Variants in LMLN observed in about 807,000 individuals in gnomAD.
LMLN encodes the protein leishmanolysin like peptidase, also known as leishmanolysin-like peptidase.
A neutral mutation model predicts 92.3 loss-of-function variants in LMLN; 70 were observed. The observed-to-expected ratio is 0.76, with a 90% CI of 0.63 to 0.92. The LOEUF is 0.92. Among genes scored for constraint, LMLN ranks in the 40% least tolerant of loss-of-function variants. The probability of loss-of-function intolerance (pLI) is 0.00; values close to 1 mark genes in which losing one functional copy is unlikely to be tolerated. For synonymous variants in LMLN, 308 were observed against 296.2 expected (o/e 1.04, Z -0.41); for missense variants, 691 against 814.6 (o/e 0.85, Z 1.85).
At chr3:197,987,228 C>T (rs1376557541) in intron 8 of LMLN, among the ~76,000 whole-genome samples, 2 of 148,842 alleles carry the variant, frequency 1.3e-5, no homozygotes, top group Non-Finnish European at 3.0e-5. Context: ...GGTGCAATCT[C>T]GGCTCAGTGC....
At chr3:198,014,654 A>C (rs1264629526) in intron 11 of LMLN, among the ~76,000 whole-genome samples, 4 of 132,486 alleles carry the variant, frequency 3.0e-5, no homozygotes, top group African/African-American at 9.1e-5. Context: ...TCCACCCTTC[A>C]GAGTCCCCTT....
chr3:197,994,928 C>T (rs1721976401), intron 9 of LMLN, among the ~76,000 whole-genome samples: 1 of 152,216 alleles, frequency 6.6e-6, no homozygotes, highest in Non-Finnish European at 1.5e-5. Flanking sequence ...GCGCTATTTA[C>T]AACAGCCACA....
At chr3:197,986,458 GAA>G (rs1199164589) in intron 8 of LMLN, among the ~76,000 whole-genome samples, 1 of 151,398 alleles carries the variant, frequency 6.6e-6, no homozygotes, top group Non-Finnish European at 1.5e-5. Context: ...ACTGTCTCAA[GAA>G]AAAAAAGAGA....
intron 11 of LMLN, among the ~76,000 whole-genome samples, chr3:198,016,985 G>T (rs1044806872): frequency 1.2e-4 from 19 of 152,170 alleles, no homozygotes; most frequent in Admixed American, 9.8e-4. Flanking sequence ...AAATGAGCAT[G>T]GTGGCACATG....
chr3:197,998,518 A>G (rs1389766331), intron 10 of LMLN, among the ~76,000 whole-genome samples: 5 of 152,200 alleles, frequency 3.3e-5, no homozygotes, highest in African/African-American at 1.2e-4. Context: ...AAGCGCTGAC[A>G]GTAGTAATTT....
chr3:197,999,957 T>G (rs1432810778), intron 11 of LMLN, among the ~76,000 whole-genome samples: 3 of 152,248 alleles, frequency 2.0e-5, no homozygotes, highest in African/African-American at 7.2e-5. Context: ...AAGGAAAGAC[T>G]AAACAATGTT....
chr3:198,042,368 G>A lies in LMLN; in HGVS notation c.*3701G>A, dbSNP rs1292207716. ...CGCACCACTGCACTGCAGCCTGGAT[G>A]ACAGAGTGAGACTTTCTTGGGAAAA... is the stretch of plus-strand genomic sequence containing the variant. On this transcript the variant is annotated 3_prime_UTR_variant, in exon 16 of 16. Transcript: ENST00000330198. The surrounding 1 kb of genome is among the most constrained non-coding windows in gnomAD (Gnocchi z 4.2). 6.6e-6 allele frequency: 1 copy of A among 151,590 alleles called. No individual in the cohort carries two copies. The highest frequency in any genetic ancestry group is 1.5e-5 in the Non-Finnish European group (1 of 68,014). 9.4% of individuals were successfully genotyped at this position (151,590 alleles called of 1,614,324 possible).
intron 6 of LMLN, chr3:197,980,806 AAAGT>A: frequency 4.0e-6 from 1 of 252,344 alleles, no homozygotes. Flanking sequence ...TTCCAAAGAA[AAAGT>A]CTGCTGTCAA....
chr3:197,985,754 T>C, intron 7 of LMLN, 42 bp from the exon 8 acceptor site: 1 of 1,343,226 alleles, frequency 7.4e-7, no homozygotes, highest in Non-Finnish European at 1.1e-6. Flanking sequence ...TAATCAGCCT[T>C]GATGTTTTTC....
At chr3:198,029,066 A>G (rs933528471) in intron 14 of LMLN, among the ~76,000 whole-genome samples, 1 of 152,202 alleles carries the variant, frequency 6.6e-6, no homozygotes, top group Non-Finnish European at 1.5e-5. Context: ...ACAACGCTGC[A>G]TTTCGGCTGT....
intron 9 of LMLN, among the ~76,000 whole-genome samples, chr3:197,994,920 G>A (rs564551201): frequency 4.6e-5 from 7 of 152,174 alleles, no homozygotes; most frequent in African/African-American, 7.2e-5. Flanking sequence ...TGACTGCAGC[G>A]CTATTTACAA....
At chr3:198,018,667 A>T (rs527593612) in intron 11 of LMLN, among the ~76,000 whole-genome samples, 8 of 152,264 alleles carry the variant, frequency 5.3e-5, no homozygotes, top group African/African-American at 1.9e-4. Context: ...TTTCCTTAAG[A>T]AATATGTGGA....
intron 7 of LMLN, chr3:197,985,539 C>T: frequency 4.1e-6 from 1 of 244,646 alleles, no homozygotes; most frequent in Non-Finnish European, 7.8e-6. Context: ...AGTATTTCTA[C>T]TGAATATAAA....
chr3:197,995,196 T>C (rs1721984297), intron 9 of LMLN, among the ~76,000 whole-genome samples: 1 of 152,254 alleles, frequency 6.6e-6, no homozygotes, highest in South Asian at 2.1e-4. Flanking sequence ...ATGATATTTT[T>C]ATAACATTTT....
At chr3:198,011,293 G>C (rs1722430817) in intron 11 of LMLN, among the ~76,000 whole-genome samples, 1 of 145,290 alleles carries the variant, frequency 6.9e-6, no homozygotes, top group Non-Finnish European at 1.5e-5. Flanking sequence ...CCCACAACAG[G>C]TCCTGGTGTG....
Position 197,995,530 on chromosome 3 carries a change from AAACTATT to A in LMLN, c.1048-644_1048-638del, listed in dbSNP as rs746270093. ...TTTCACATTTCACATGTGACATCTA[AAACTATT>A]GAACCCCGAAGCAGAGGGTAGTGGT... is the stretch of plus-strand genomic sequence containing the variant. On this transcript the variant is annotated intron_variant, in intron 9 of 15. Transcript: ENST00000330198. Among the ~76,000 whole-genome samples, 8 of 152,316 alleles carry A rather than the reference AAACTATT, an allele frequency of 5.3e-5. No homozygotes were observed. The South Asian group carries it at 1.4e-3, about 28-fold the overall frequency.
intron 1 of LMLN, among the ~76,000 whole-genome samples, chr3:197,963,737 C>A (rs1450525164): frequency 6.6e-6 from 1 of 152,162 alleles, no homozygotes; most frequent in Non-Finnish European, 1.5e-5. Flanking sequence ...TAAATAGGAA[C>A]AATTTTTGTT....
rs2109843773 is a variant in LMLN, at chr3:197,967,325, A to G, written c.219+6885A>G. 1.3e-5 allele frequency among the ~76,000 whole-genome samples: 2 copies of G among 152,338 alleles called. 1 individual carries two copies. The highest frequency in any genetic ancestry group is 4.1e-4 in the South Asian group (2 of 4,830). ...CTGAGAAATACAGAGAAAGAGTACA[A>G]AGAGTGGAATTTTACAGCTGGGCCT... On this transcript the variant is annotated intron_variant, in intron 1 of 15. Transcript: ENST00000330198.
At chr3:198,006,538 C>T (rs970893823) in intron 11 of LMLN, among the ~76,000 whole-genome samples, 26 of 152,238 alleles carry the variant, frequency 1.7e-4, no homozygotes, top group Admixed American at 1.3e-4. Flanking sequence ...TATAGTTTCT[C>T]CACATCTTTG....
Sources: gnomAD v4.1 joint callset for allele counts (sites outside exome capture counted in the v4.1 genomes callset) on GRCh38, gnomAD v4.1.1 for gene constraint, Gnocchi (gnomAD v3.1) non-coding constraint, MANE v1.5 for transcripts, NCBI Gene and HGNC (gene_info 2026-07-23, HGNC 2026-07-21) for gene names.